SUSD2: variants seen among roughly 807,000 people sequenced by gnomAD.
SUSD2 encodes sushi domain-containing protein 2.
SUSD2 carries 86 observed loss-of-function variants against 93.8 expected under a neutral mutation model. The ratio of observed to expected loss-of-function variants is 0.92; its 90% CI spans 0.77 to 1.10. The LOEUF is 1.10. SUSD2 is among the 50% of genes least tolerant of loss of function. The pLI, the probability that SUSD2 is intolerant of heterozygous loss-of-function variation, is 0.00. For synonymous variants in SUSD2, 483 were observed against 485.0 expected, an observed-to-expected ratio of 1.00 and a Z score of 0.05; for missense variants, 1,060 against 1,137.0, an observed-to-expected ratio of 0.93 and a Z score of 0.97.
rs2047378013 is a variant in SUSD2, at chr22:24,187,602, C to T, written c.1923C>T (p.Thr641=). ...WTVHNASSLL[T]YDSWFLVHNF... ...TGCACAATGCGTCCTCCCTGCTCAC[C>T]TACGATTCCTGGTTCCTGGTCCACA... The change falls in exon 12 of 15, where the codon ACC becomes ACT. Residue 641 remains threonine, a synonymous_variant. Coordinates refer to ENST00000358321, the MANE Select transcript of SUSD2 (RefSeq NM_019601.4). 1 of 1,613,830 alleles carries T rather than the reference C, an allele frequency of 6.2e-7. No homozygotes were observed.
chr22:24,182,104 T>G (rs2148864883), intron 1 of SUSD2, among the ~76,000 whole-genome samples: 1 of 152,326 alleles, frequency 6.6e-6, no homozygotes, highest in East Asian at 1.9e-4. Context: ...ACATATTTAT[T>G]GTTGCTTTTA....
At chr22:24,185,990 C>CA (rs1569340466) in intron 8 of SUSD2, 26 bp from the exon 9 acceptor site, 2 of 1,589,622 alleles carry the variant, frequency 1.3e-6, no homozygotes, top group East Asian at 4.5e-5. Context: ...GGTGCACCCC[C>CA]ACGTGACCCT....
rs2047365498 is a variant in SUSD2 at position 24,186,229 on chromosome 22, GGCTCCCGTTCT to G, written c.1484-21_1484-11del. On this transcript the variant is annotated splice_polypyrimidine_tract_variant and intron_variant, in intron 9 of 14. Transcript: ENST00000358321. ...CCAAGGTGGGAGGCTGGAGCCAAGT[GGCTCCCGTTCT>G]GCTCCCACCACCGCAGGCACGGAGA... 28 of 1,611,246 alleles carry G rather than the reference GGCTCCCGTTCT, an allele frequency of 1.7e-5. No individual in the cohort carries two copies. The highest frequency in any genetic ancestry group is 2.4e-5 in the Non-Finnish European group (28 of 1,179,018).
At position 24,181,608 on chromosome 22, in the gene SUSD2, G is replaced by A; in HGVS notation, c.76+13G>A. On this transcript the variant is annotated intron_variant, in intron 1 of 14. Coordinates refer to ENST00000358321, the MANE Select transcript of SUSD2 (RefSeq NM_019601.4). The stretch of plus-strand genomic sequence containing the variant: ...GGACCCACAGCAGGTATGCCTCCCT[G>A]CCCTTCTGTGTCCCCGTCTGTCTGT... 1 of 1,578,918 alleles carries A rather than the reference G, an allele frequency of 6.3e-7. No individual in the cohort carries two copies. Among genetic ancestry groups the A allele is most frequent in the South Asian group, 1.2e-5 (1 of 86,498 alleles).
chr22:24,187,420 C>T lies in SUSD2; in HGVS notation c.1861C>T (p.Pro621Ser). The stretch of plus-strand genomic sequence containing the variant: ...GCGCGTCCTGCCCCCAGGCACCAGT[C>T]CCCAGGAGCTGTTCCTGTTTGGGGC... ...SGRVLPPGTS[P>S]QELFLFGANW... Residue 621 changes from proline to serine, a missense_variant, in exon 11 of 15, where the codon CCC (proline) becomes TCC (serine). Transcript: ENST00000358321. The T allele has an allele frequency of 1.2e-6, 2 of 1,613,444 alleles. No homozygotes were observed. Among genetic ancestry groups the T allele is most frequent in the East Asian group, 2.2e-5 (1 of 44,886 alleles).
In SUSD2 at chr22:24,185,496, G is replaced by T; in HGVS notation, c.995G>T (p.Gly332Val). The part of the protein sequence containing the change: ...ADSGRFFTDY[G>V]CDMEQGSVCT... ...CCTGCTGCTCTGCAGACGGACTACG[G>T]CTGTGACATGGAGCAGGGCAGCGTG... The change falls in exon 7 of 15, where the codon GGC (glycine) becomes GTC (valine). Residue 332 changes from glycine to valine, a missense_variant. Around this residue, in one of 2 missense-constraint regions of SUSD2, gnomAD observed 973 missense variants for 1,005.3 expected, o/e 0.97. Coordinates refer to ENST00000358321, the MANE Select transcript of SUSD2 (RefSeq NM_019601.4). The T allele has an allele frequency of 1.3e-6, 2 of 1,565,836 alleles. No homozygotes were observed. Among genetic ancestry groups the T allele is most frequent in the Non-Finnish European group, 1.7e-6 (2 of 1,155,066 alleles).
Position 24,187,278 on chromosome 22 carries a change from G to C in SUSD2, c.1719G>C (p.Val573=). The part of the protein sequence containing the change: ...LASGAGLEVS[V]QGPFLSVSVL... The stretch of plus-strand genomic sequence containing the variant: ...CAGGGGCCGGCCTGGAGGTCAGCGT[G>C]CAGGGCCCGTTCCTGAGTGTGTCCG... Residue 573 remains valine, a synonymous_variant, in exon 11 of 15, where the codon GTG becomes GTC. Coordinates refer to ENST00000358321, the MANE Select transcript of SUSD2 (RefSeq NM_019601.4). 3 of 1,614,050 alleles carry C rather than the reference G, an allele frequency of 1.9e-6. No individual in the cohort carries two copies. The highest frequency in any genetic ancestry group is 2.5e-6 in the Non-Finnish European group (3 of 1,180,022).
Position 24,184,828 on chromosome 22 carries a change from A to C in SUSD2, c.670A>C (p.Ile224Leu). 5.0e-6 allele frequency: 8 copies of C among 1,613,862 alleles called. No individual in the cohort carries two copies. The highest frequency in any genetic ancestry group is 6.8e-6 in the Non-Finnish European group (8 of 1,179,918). ...GTACCTGTACCCCCTGGCCACACAC[A>C]TCCCCAACTCCGGCTCTTTCACTTT... ...WSYLYPLATH[I>L]PNSGSFTFTP... Residue 224 changes from isoleucine to leucine, a missense_variant, in exon 5 of 15, where the codon ATC becomes CTC. Coordinates refer to ENST00000358321, the MANE Select transcript of SUSD2 (RefSeq NM_019601.4).
intron 4 of SUSD2, 70 bp downstream of exon 4, chr22:24,184,373 G>C (rs1365790365): frequency 2.4e-5 from 37 of 1,520,508 alleles, no homozygotes; most frequent in Non-Finnish European, 3.1e-5. Flanking sequence ...GGGGGTCCCA[G>C]CTGTGTGGGA....
At position 24,184,876 on chromosome 22, in the gene SUSD2, A is replaced by G. The variant is rs148992062; in HGVS notation, c.718A>G (p.Ser240Gly). Residue 240 changes from serine (S) to glycine (G), a missense_variant, in exon 5 of 15, where the codon AGC becomes GGC. This residue lies in a region of SUSD2 where 973 missense variants were observed against 1,005.3 expected (regional missense o/e 0.97). Transcript: ENST00000358321. ...TTTCACCCCAAAACCTGCTCCTCCCAGCTACCAGAGATGGCGAGTGGGTGC... is the reference window on the plus strand; with the variant it reads ...TTTCACCCCAAAACCTGCTCCTCCCGGCTACCAGAGATGGCGAGTGGGTGC... ...FTFTPKPAPP[S>G]YQRWRVGALR... 29 of 1,613,936 alleles carry G rather than the reference A, an allele frequency of 1.8e-5. No homozygotes were observed. Among genetic ancestry groups the G allele is most frequent in the Non-Finnish European group, 2.5e-5 (29 of 1,180,006 alleles).
At chr22:24,183,714 C>T (rs1601339042) in intron 3 of SUSD2, 68 bp downstream of exon 3, 10 of 1,522,952 alleles carry the variant, frequency 6.6e-6, no homozygotes, top group South Asian at 4.8e-5. Flanking sequence ...CTATGCACAC[C>T]GAGACTTGGC....
At position 24,184,281 on chromosome 22, in the gene SUSD2, A is replaced by G. The variant is rs777841743; in HGVS notation, c.585A>G (p.Glu195=). Reference sequence around the variant, plus strand: ...TGCCCACGCAGACCATCACCATCGAACTGTGGGGCTACGAGGAGACAGGTG... The same window carrying G: ...TGCCCACGCAGACCATCACCATCGAGCTGTGGGGCTACGAGGAGACAGGTG... ...KSLPTQTITI[E]LWGYEETGMP... is the part of the protein sequence containing the mutation. The change falls in exon 4 of 15, where the codon GAA becomes GAG. Residue 195 remains glutamate, a synonymous_variant. Coordinates refer to ENST00000358321, the MANE Select transcript of SUSD2 (RefSeq NM_019601.4). The G allele has an allele frequency of 6.2e-7, 1 of 1,613,428 alleles. No homozygotes were observed. Among genetic ancestry groups the G allele is most frequent in the African/African-American group, 1.3e-5 (1 of 75,042 alleles).
chr22:24,186,511 C>G, intron 10 of SUSD2, 96 bp downstream of exon 10: 1 of 1,460,062 alleles, frequency 6.8e-7, no homozygotes, highest in South Asian at 1.3e-5. Flanking sequence ...TCATGCCTCT[C>G]CCAGTCCTGG....
chr22:24,184,372 A>G, intron 4 of SUSD2, 69 bp downstream of exon 4: 1 of 1,531,476 alleles, frequency 6.5e-7, no homozygotes. Context: ...AGGGGGTCCC[A>G]GCTGTGTGGG....
intron 3 of SUSD2, 130 bp downstream of exon 3, chr22:24,183,776 G>T: frequency 9.6e-7 from 1 of 1,046,888 alleles, no homozygotes; most frequent in Non-Finnish European, 1.4e-6. Flanking sequence ...AGGCCTGCCC[G>T]CCTGCGAGAG....
chr22:24,186,253 G>T lies in SUSD2; in HGVS notation c.1484-4G>T, dbSNP rs370753596. The T allele has an allele frequency of 2.0e-5, 33 of 1,612,836 alleles. No individual in the cohort carries two copies. Among genetic ancestry groups the T allele is most frequent in the Admixed American group, 3.3e-5 (2 of 59,942 alleles). On this transcript the variant is annotated splice_region_variant and splice_polypyrimidine_tract_variant and intron_variant, in intron 9 of 14. Transcript: ENST00000358321. The stretch of plus-strand genomic sequence containing the variant: ...TGGCTCCCGTTCTGCTCCCACCACC[G>T]CAGGCACGGAGACCCGTGGCACTGG...
At position 24,185,596 on chromosome 22, in the gene SUSD2, A is replaced by G. The variant is rs770113543; in HGVS notation, c.1070+25A>G. The G allele has an allele frequency of 1.9e-6, 3 of 1,601,380 alleles. No homozygotes were observed. In the Admixed American group the frequency reaches 5.1e-5, roughly 27 times the overall value. ...GGTGAGCCCCCAGGCTGGGGCCGGT[A>G]TGGGGATTGGGGTCAGGGGTGGGCT... On this transcript the variant is annotated intron_variant, in intron 7 of 14. Transcript: ENST00000358321.
chr22:24,182,335 GT>G (rs2148864943), intron 1 of SUSD2, among the ~76,000 whole-genome samples: 1 of 152,248 alleles, frequency 6.6e-6, no homozygotes, highest in African/African-American at 2.4e-5. Context: ...CATAGGAGAA[GT>G]TTTGGGCCCG....
At position 24,183,168 on chromosome 22, in the gene SUSD2, T is replaced by C; in HGVS notation, c.188T>C (p.Leu63Pro). 6.2e-7 allele frequency: 1 copy of C among 1,614,048 alleles called. No homozygotes were observed. Among genetic ancestry groups the C allele is most frequent in the African/African-American group, 1.3e-5 (1 of 75,076 alleles). Residue 63 changes from leucine to proline, a missense_variant, in exon 2 of 15, where the codon CTG becomes CCG. Physicochemically the swap from Leu to Pro is moderately conservative, Grantham distance 98. Coordinates refer to ENST00000358321, the MANE Select transcript of SUSD2 (RefSeq NM_019601.4). The part of the protein sequence containing the change: ...TCCLDFRDFC[L>P]EILPYSGSMM... Reference sequence around the variant, plus strand: ...TGCTTGGATTTCCGGGACTTCTGCCTGGAGATATTGCCCTACTCAGGATCC... The same window carrying C: ...TGCTTGGATTTCCGGGACTTCTGCCCGGAGATATTGCCCTACTCAGGATCC...
Sources: gnomAD v4.1 joint callset for allele counts (sites outside exome capture counted in the v4.1 genomes callset) on GRCh38, gnomAD v4.1.1 for gene constraint, gnomAD v4.1.1 regional missense constraint, MANE v1.5 for transcripts, NCBI Gene and HGNC (gene_info 2026-07-23, HGNC 2026-07-21) for gene names.